The following PLA2G6 variants were observed in gnomAD, a reference collection of about 807,000 sequenced individuals.
The protein encoded by PLA2G6 is 85/88 kDa calcium-independent phospholipase A2.
Under a neutral mutation model 83.8 loss-of-function variants are expected in PLA2G6, and 62 were observed. The observed-to-expected ratio is 0.74, with a 90% CI of 0.60 to 0.91. The LOEUF is 0.91. Ranked by LOEUF, PLA2G6 falls within the 40% of genes least tolerant of loss-of-function variation. PLA2G6 has a pLI of 0.00. For synonymous variants in PLA2G6, 417 were observed against 449.8 expected (o/e 0.93, Z 0.92); for missense variants, 944 against 1,102.0 (o/e 0.86, Z 2.03).
chr22:38,167,601 C>T (rs1228373874), intron 2 of PLA2G6, among the ~76,000 whole-genome samples: 1 of 152,190 alleles, frequency 6.6e-6, no homozygotes, highest in Non-Finnish European at 1.5e-5. Context: ...AGCTGGAAGG[C>T]GGTCTGCTCA....
chr22:38,115,448 C>T (rs545551151), intron 14 of PLA2G6, 79 bp downstream of exon 14: 10 of 1,345,180 alleles, frequency 7.4e-6, no homozygotes, highest in Admixed American at 1.8e-5. Flanking sequence ...TCCTGGGGGT[C>T]GGTCCCTAGC....
intron 2 of PLA2G6, chr22:38,149,379 AG>A: frequency 6.6e-6 from 1 of 152,262 alleles, no homozygotes; most frequent in Non-Finnish European, 1.5e-5. Flanking sequence ...AAGGAAATTT[AG>A]AATTTTGGTG....
intron 4 of PLA2G6, 171 bp from the exon 5 acceptor site, chr22:38,140,340 T>G: frequency 1.6e-6 from 1 of 617,940 alleles, no homozygotes; most frequent in Non-Finnish European, 2.9e-6. Flanking sequence ...AAATGTCGTC[T>G]CTTCTAACGA....
At chr22:38,135,377 T>G in intron 5 of PLA2G6, 1 of 418,552 alleles carries the variant, frequency 2.4e-6, no homozygotes, top group East Asian at 4.9e-5. Flanking sequence ...TCCTCACTGG[T>G]GGCCTCCAGA....
intron 1 of PLA2G6, among the ~76,000 whole-genome samples, chr22:38,172,461 G>A (rs115079471): frequency 1.3e-5 from 2 of 152,238 alleles, no homozygotes; most frequent in Admixed American, 1.3e-4. Context: ...AACAAACCAA[G>A]ATAGACTGAC....
intron 14 of PLA2G6, among the ~76,000 whole-genome samples, 161 bp downstream of exon 14, chr22:38,115,366 A>G (rs535221280): frequency 6.6e-6 from 1 of 152,200 alleles, no homozygotes; most frequent in Non-Finnish European, 1.5e-5. Context: ...CCACCCATGG[A>G]ACAGGTTCCA....
At chr22:38,164,430 C>T (rs187534463) in intron 2 of PLA2G6, among the ~76,000 whole-genome samples, 2 of 152,234 alleles carry the variant, frequency 1.3e-5, no homozygotes, top group Admixed American at 1.3e-4. Flanking sequence ...GACCCCACCT[C>T]GTGGGACTGT....
intron 10 of PLA2G6, among the ~76,000 whole-genome samples, chr22:38,124,575 G>C (rs1053388086): frequency 6.6e-6 from 1 of 151,946 alleles, no homozygotes. Flanking sequence ...TGATGCCATC[G>C]AGACCCTCCC....
intron 5 of PLA2G6, chr22:38,137,654 T>C (rs1807559): frequency 0.31 from 47,652 of 152,034 alleles, 7,906 homozygotes; most frequent in South Asian, 0.42. Context: ...GTCAACATGA[T>C]GAAACCCCAT....
intron 1 of PLA2G6, among the ~76,000 whole-genome samples, chr22:38,180,140 GACACACACAC>G (rs133028): frequency 2.9e-3 from 403 of 137,914 alleles, no homozygotes; most frequent in African/African-American, 6.2e-3. Flanking sequence ...GATGTCTGCA[GACACACACAC>G]ACACACACAC....
chr22:38,175,909 G>A (rs1344096003), intron 1 of PLA2G6, among the ~76,000 whole-genome samples: 1 of 152,150 alleles, frequency 6.6e-6, no homozygotes, highest in Non-Finnish European at 1.5e-5. Flanking sequence ...ATGAATGAAT[G>A]AACCACCTAT....
Position 38,111,965 on chromosome 22 carries a change from G to A in PLA2G6, c.*196C>T. ...CTTTCCCAGCCTGGAATGACAGAAA[G>A]TGCTGGAAGGCGGGGTTAGTGGGAG... On this transcript the variant is annotated 3_prime_UTR_variant, in exon 17 of 17. Coordinates refer to ENST00000332509, the MANE Select transcript of PLA2G6 (RefSeq NM_003560.4). 4.7e-6 allele frequency: 3 copies of A among 637,800 alleles called. No homozygotes were observed. Among genetic ancestry groups the A allele is most frequent in the Non-Finnish European group, 8.3e-6 (3 of 359,984 alleles). 39.5% of individuals were successfully genotyped at this position (637,800 alleles called of 1,614,324 possible). A position where few individuals can be genotyped will look rare whatever the true frequency, so the allele number is the denominator to read the frequency against.
At chr22:38,115,827 C>A in intron 13 of PLA2G6, 146 bp from the exon 14 acceptor site, 1 of 1,476,918 alleles carries the variant, frequency 6.8e-7, no homozygotes, top group Non-Finnish European at 9.0e-7. Context: ...ACCCACGAAG[C>A]CACACTCTCT....
chr22:38,176,411 C>G (rs1414693399), intron 1 of PLA2G6, among the ~76,000 whole-genome samples: 1 of 152,130 alleles, frequency 6.6e-6, no homozygotes, highest in Non-Finnish European at 1.5e-5. Context: ...CAGAACTGCC[C>G]GAGGTGGAAA....
rs369194646 is a variant in PLA2G6 at position 38,139,326 on chromosome 22, G to A, written c.797+656C>T. ...CCACCTGGAGGGGAGCTGGAAAGAG[G>A]AGACCCCAAAGAGGGCTAAGATTGG... On this transcript the variant is annotated intron_variant, in intron 5 of 16. Transcript: ENST00000332509. 2.0e-5 allele frequency: 3 copies of A among 152,170 alleles called. No individual in the cohort carries two copies. The East Asian group carries it at 5.8e-4, about 29-fold the overall frequency. 9.4% of individuals were successfully genotyped at this position (152,170 alleles called of 1,614,324 possible).
chr22:38,120,573 GT>G (rs757918246), intron 12 of PLA2G6, among the ~76,000 whole-genome samples, 185 bp downstream of exon 12: 75 of 152,180 alleles, frequency 4.9e-4, no homozygotes, highest in Non-Finnish European at 8.8e-4. Flanking sequence ...CGCTCAGCAG[GT>G]GTCTGCATGC....
At chr22:38,174,382 C>T (rs576613458) in intron 1 of PLA2G6, among the ~76,000 whole-genome samples, 165 of 150,232 alleles carry the variant, frequency 1.1e-3, no homozygotes, top group Non-Finnish European at 2.1e-3. Flanking sequence ...TGGGCGAGAG[C>T]GAGACTCTGT....
chr22:38,125,132 ACATGTGTGTG>A (rs1487716294), intron 10 of PLA2G6, among the ~76,000 whole-genome samples: 2 of 151,922 alleles, frequency 1.3e-5, no homozygotes, highest in Admixed American at 6.5e-5. Flanking sequence ...GCATGTGTGT[ACATGTGTGTG>A]CATGTGTGTG....
intron 1 of PLA2G6, among the ~76,000 whole-genome samples, chr22:38,173,173 C>T (rs376871898): frequency 4.7e-4 from 72 of 152,250 alleles, no homozygotes; most frequent in Middle Eastern, 3.4e-3. Flanking sequence ...CTAGGCTCTT[C>T]CCAGCACAGC....
Sources: gnomAD v4.1 joint callset for allele counts (sites outside exome capture counted in the v4.1 genomes callset) on GRCh38, gnomAD v4.1.1 for gene constraint, MANE v1.5 for transcripts, NCBI Gene and HGNC (gene_info 2026-07-23, HGNC 2026-07-21) for gene names.